The following ABCC11 variants were observed in gnomAD, a reference collection of about 807,000 sequenced individuals.
ABCC11 encodes the protein ATP binding cassette subfamily C member 11.
In ABCC11, 135 loss-of-function variants were observed where a neutral mutation model predicts 149.3. The ratio of observed to expected loss-of-function variants is 0.90; its 90% CI spans 0.79 to 1.04. ABCC11 has a LOEUF of 1.04. Among genes scored for constraint, ABCC11 ranks in the 50% least tolerant of loss-of-function variants. ABCC11 has a pLI of 0.00. For synonymous variants in ABCC11, 665 were observed against 671.4 expected (o/e 0.99, Z 0.15); for missense variants, 1,680 against 1,722.1 (o/e 0.98, Z 0.43).
chr16:48,178,829 G>T, intron 23 of ABCC11, 143 bp from the exon 24 acceptor site: 1 of 711,064 alleles, frequency 1.4e-6, no homozygotes, highest in African/African-American at 1.8e-5. Context: ...ATGGAGCAGA[G>T]GCCCCTGGTG....
intron 1 of ABCC11, among the ~76,000 whole-genome samples, chr16:48,245,742 G>C (rs1422696945): frequency 6.6e-6 from 1 of 152,036 alleles, no homozygotes; most frequent in Non-Finnish European, 1.5e-5. Flanking sequence ...GAGTACTTGG[G>C]GTTAATAAAA....
At chr16:48,230,296 GGT>G (rs1970344819) in intron 3 of ABCC11, 139 bp downstream of exon 3, 8 of 984,718 alleles carry the variant, frequency 8.1e-6, no homozygotes, top group Non-Finnish European at 1.1e-5. Flanking sequence ...GTGCCTCCCT[GGT>G]GTGCCTCAGG....
chr16:48,166,982 CTA>C lies in ABCC11; in HGVS notation c.*290_*291del. 2.6e-6 allele frequency: 1 copy of C among 380,928 alleles called. No individual in the cohort carries two copies. Among genetic ancestry groups the C allele is most frequent in the Non-Finnish European group, 4.8e-6 (1 of 207,782 alleles). 23.6% of individuals were successfully genotyped at this position (380,928 alleles called of 1,614,324 possible). On this transcript the variant is annotated 3_prime_UTR_variant, in exon 30 of 30. Coordinates refer to ENST00000356608, the MANE Select transcript of ABCC11 (RefSeq NM_001370497.1). ...AACACTTCTAACACAGATCAGAAAA[CTA>C]TAAGCTTTTACCTTATTATAAAATT...
chr16:48,227,662 T>G, intron 4 of ABCC11, 144 bp downstream of exon 4: 1 of 1,004,360 alleles, frequency 1.0e-6, no homozygotes, highest in East Asian at 2.4e-5. Context: ...TTAAAAACCC[T>G]CACCTAGTAT....
chr16:48,242,733 C>A (rs1303785337), intron 1 of ABCC11, among the ~76,000 whole-genome samples: 1 of 152,194 alleles, frequency 6.6e-6, no homozygotes, highest in African/African-American at 2.4e-5. Flanking sequence ...AGGATGAGTT[C>A]ATGTCCTTTG....
At chr16:48,245,115 A>C (rs1236598150) in intron 1 of ABCC11, among the ~76,000 whole-genome samples, 1 of 151,788 alleles carries the variant, frequency 6.6e-6, no homozygotes, top group Non-Finnish European at 1.5e-5. Flanking sequence ...TTCCTGTTTC[A>C]TTCCTAAACT....
chr16:48,208,538 C>T (rs1386718179), intron 11 of ABCC11, 42 bp from the exon 12 acceptor site: 2 of 1,606,916 alleles, frequency 1.2e-6, no homozygotes, highest in East Asian at 4.5e-5. Flanking sequence ...GACAGCATAG[C>T]CCTGGCATAC....
At chr16:48,199,559 G>A (rs528516160) in intron 15 of ABCC11, among the ~76,000 whole-genome samples, 4 of 152,100 alleles carry the variant, frequency 2.6e-5, no homozygotes, top group Non-Finnish European at 4.4e-5. Context: ...ATTGCACTGC[G>A]GTCATCATCG....
At chr16:48,246,152 C>A (rs1305378713) in intron 1 of ABCC11, among the ~76,000 whole-genome samples, 1 of 151,910 alleles carries the variant, frequency 6.6e-6, no homozygotes, top group African/African-American at 2.4e-5. Context: ...GCAACAAAGA[C>A]CAACAAACCT....
intron 1 of ABCC11, among the ~76,000 whole-genome samples, chr16:48,241,874 T>C (rs1481647704): frequency 2.6e-5 from 4 of 152,144 alleles, no homozygotes; most frequent in Non-Finnish European, 5.9e-5. Context: ...CCCTTCCTTA[T>C]ACCTTATACA....
chr16:48,215,398 A>G, intron 7 of ABCC11, 54 bp from the exon 8 acceptor site: 4 of 1,591,256 alleles, frequency 2.5e-6, no homozygotes, highest in Non-Finnish European at 3.4e-6. Context: ...TTCCTTTGAC[A>G]AGGGCAGGAG....
chr16:48,229,711 G>A (rs1053538183), intron 3 of ABCC11, among the ~76,000 whole-genome samples: 12 of 151,970 alleles, frequency 7.9e-5, no homozygotes, highest in African/African-American at 1.2e-4. Context: ...TGATCCACCC[G>A]CCTCGGCCTC....
intron 22 of ABCC11, among the ~76,000 whole-genome samples, chr16:48,184,968 A>G (rs976933318): frequency 1.3e-5 from 2 of 152,202 alleles, no homozygotes. Flanking sequence ...TGAGTGTGGG[A>G]GTGATTCCTT....
At chr16:48,175,738 A>G (rs755416174) in intron 25 of ABCC11, among the ~76,000 whole-genome samples, 12 of 152,226 alleles carry the variant, frequency 7.9e-5, no homozygotes, top group Non-Finnish European at 1.3e-4. Flanking sequence ...TCCTAGATAT[A>G]AAAGTTCAAA....
chr16:48,214,976 G>C lies in ABCC11; in HGVS notation c.1153C>G (p.Leu385Val). Residue 385 changes from leucine (L) to valine (V), a missense_variant, in exon 9 of 30, where the codon CTG becomes GTG. Leu to Val is a conservative substitution (Grantham distance 32). Coordinates refer to ENST00000356608, the MANE Select transcript of ABCC11 (RefSeq NM_001370497.1). ...ATGATGAACAAGGTTATACTTGTCA[G>C]GCTCTGGACAAGCCCGCACTTCTCC... ...LLEKCGLVQS[L>V]TSITLFIIPT... is the part of the protein sequence containing the mutation. 1 of 1,614,136 alleles carries C rather than the reference G, an allele frequency of 6.2e-7. No individual in the cohort carries two copies. Among genetic ancestry groups the C allele is most frequent in the Non-Finnish European group, 8.5e-7 (1 of 1,180,026 alleles).
chr16:48,219,807 C>T (rs1304750064), intron 6 of ABCC11, among the ~76,000 whole-genome samples: 1 of 151,982 alleles, frequency 6.6e-6, no homozygotes, highest in African/African-American at 2.4e-5. Context: ...ATGGTGAAAC[C>T]CCGTCTCTAC....
At chr16:48,202,855 A>G (rs1354781420) in intron 14 of ABCC11, among the ~76,000 whole-genome samples, 1 of 152,202 alleles carries the variant, frequency 6.6e-6, no homozygotes, top group Non-Finnish European at 1.5e-5. Flanking sequence ...GATTGGAATT[A>G]TCGGGGAAAT....
chr16:48,205,196 G>A (rs1361018312), intron 13 of ABCC11, among the ~76,000 whole-genome samples: 2 of 152,214 alleles, frequency 1.3e-5, no homozygotes, highest in Non-Finnish European at 2.9e-5. Flanking sequence ...CACCACCTGG[G>A]TGACTTCGGG....
rs552749952 is a variant in ABCC11, at chr16:48,214,991, C to T, written c.1138G>A (p.Gly380Arg). ...RKERKLLEKC[G>R]LVQSLTSITL... ...ATACTTGTCAGGCTCTGGACAAGCCCGCACTTCTCCAATAGTTTCCTTTCC... is the reference window on the plus strand; with the variant it reads ...ATACTTGTCAGGCTCTGGACAAGCCTGCACTTCTCCAATAGTTTCCTTTCC... The change falls in exon 9 of 30, where the codon GGG (glycine) becomes AGG (arginine). Residue 380 changes from glycine (G) to arginine (R), a missense_variant. By Grantham distance (125) the Gly-to-Arg change is moderately radical (BLOSUM62 -2). Coordinates refer to ENST00000356608, the MANE Select transcript of ABCC11 (RefSeq NM_001370497.1). 53 of 1,614,090 alleles carry T rather than the reference C, an allele frequency of 3.3e-5. No individual in the cohort carries two copies. The highest frequency in any genetic ancestry group is 2.0e-4 in the Admixed American group (12 of 60,014).
Sources: gnomAD v4.1 joint callset for allele counts (sites outside exome capture counted in the v4.1 genomes callset) on GRCh38, gnomAD v4.1.1 for gene constraint, MANE v1.5 for transcripts, NCBI Gene and HGNC (gene_info 2026-07-23, HGNC 2026-07-21) for gene names.